Variants in DAGLB observed in about 807,000 individuals in gnomAD.
DAGLB encodes diacylglycerol lipase beta, also known as diacylglycerol lipase-beta.
In DAGLB, 66 loss-of-function variants were observed where a neutral mutation model predicts 72.1. The ratio of observed to expected loss-of-function variants is 0.92; its 90% CI spans 0.75 to 1.12. DAGLB has a LOEUF of 1.12. DAGLB is among the 50% of genes most tolerant of loss of function. The pLI, the probability that DAGLB is intolerant of heterozygous loss-of-function variation, is 0.00. For synonymous variants in DAGLB, 414 were observed against 359.5 expected (o/e 1.15, Z -1.71); for missense variants, 1,065 against 884.9 (o/e 1.20, Z -2.58).
At chr7:6,429,672 G>T (rs1242791910) in intron 6 of DAGLB, among the ~76,000 whole-genome samples, 1 of 152,036 alleles carries the variant, frequency 6.6e-6, no homozygotes, top group Non-Finnish European at 1.5e-5. Flanking sequence ...GGAGGGTGAG[G>T]CAGGTGAACC....
In DAGLB at chr7:6,410,223, G is replaced by A; in HGVS notation, c.1727C>T (p.Ser576Phe). Residue 576 changes from serine to phenylalanine, a missense_variant, in exon 14 of 15, where the codon TCC becomes TTC. Physicochemically the swap from Ser to Phe is radical, Grantham distance 155. Coordinates refer to ENST00000297056, the MANE Select transcript of DAGLB (RefSeq NM_139179.4). ...AGAAGAGTCCAGTGGGGAGTCGCTGGAGAAGCTGTAGGCCGGGGACCAGCG... is the reference window on the plus strand; with the variant it reads ...AGAAGAGTCCAGTGGGGAGTCGCTGAAGAAGCTGTAGGCCGGGGACCAGCG... ...LTRWSPAYSF[S>F]SDSPLDSSPK... 6.2e-7 allele frequency: 1 copy of A among 1,611,118 alleles called. No homozygotes were observed. Among genetic ancestry groups the A allele is most frequent in the Non-Finnish European group, 8.5e-7 (1 of 1,178,532 alleles).
intron 13 of DAGLB, among the ~76,000 whole-genome samples, chr7:6,411,437 C>T (rs1562476926): frequency 6.6e-6 from 1 of 152,196 alleles, no homozygotes; most frequent in Non-Finnish European, 1.5e-5. Context: ...GCCTGGGCAA[C>T]ATGGTAAGAC....
intron 9 of DAGLB, among the ~76,000 whole-genome samples, chr7:6,418,270 GA>G (rs1212939353): frequency 2.6e-5 from 4 of 152,134 alleles, no homozygotes; most frequent in Non-Finnish European, 5.9e-5. Context: ...TTGGGAGGCT[GA>G]GGCAGGAGGA....
intron 1 of DAGLB, among the ~76,000 whole-genome samples, chr7:6,447,503 A>AC (rs1038621713): frequency 3.3e-5 from 5 of 151,448 alleles, no homozygotes; most frequent in African/African-American, 1.2e-4. Flanking sequence ...GGACTTCGAA[A>AC]CCCCCTGTTT....
chr7:6,411,108 G>A (rs184373117), intron 13 of DAGLB, among the ~76,000 whole-genome samples: 9 of 151,650 alleles, frequency 5.9e-5, no homozygotes, highest in African/African-American at 1.9e-4. Flanking sequence ...TCCTGACCTC[G>A]TGATCCACCC....
At chr7:6,424,516 G>T (rs12539027) in intron 8 of DAGLB, among the ~76,000 whole-genome samples, 2 of 151,998 alleles carry the variant, frequency 1.3e-5, no homozygotes, top group East Asian at 1.9e-4. Flanking sequence ...CTCCTGTGGC[G>T]GGGGGGCCAA....
intron 7 of DAGLB, 72 bp downstream of exon 7, chr7:6,425,916 A>G (rs1784297102): frequency 6.3e-7 from 1 of 1,593,912 alleles, no homozygotes; most frequent in East Asian, 2.3e-5. Context: ...AATAATTCAT[A>G]ACTTCCATCA....
At chr7:6,443,994 C>T (rs1019691974) in intron 2 of DAGLB, among the ~76,000 whole-genome samples, 8 of 152,126 alleles carry the variant, frequency 5.3e-5, no homozygotes, top group Admixed American at 2.6e-4. Flanking sequence ...TGATCAGACG[C>T]GGTGGTTCAC....
intron 1 of DAGLB, among the ~76,000 whole-genome samples, chr7:6,447,304 A>AT (rs1287164047): frequency 6.6e-6 from 1 of 152,098 alleles, no homozygotes; most frequent in Non-Finnish European, 1.5e-5. Context: ...CCGGCTCGGT[A>AT]TTTTTTCCTA....
At chr7:6,428,489 T>A (rs1470719233) in intron 6 of DAGLB, among the ~76,000 whole-genome samples, 1 of 151,028 alleles carries the variant, frequency 6.6e-6, no homozygotes, top group Non-Finnish European at 1.5e-5. Flanking sequence ...TTGGTTTCTT[T>A]TTTTTTTTTC....
intron 2 of DAGLB, among the ~76,000 whole-genome samples, chr7:6,440,978 G>T (rs1784811436): frequency 6.6e-6 from 1 of 151,818 alleles, no homozygotes; most frequent in African/African-American, 2.4e-5. Context: ...TTTTGAGGGG[G>T]GGACGGAGTT....
chr7:6,432,990 A>G, intron 4 of DAGLB, 31 bp from the exon 5 acceptor site: 1 of 1,607,022 alleles, frequency 6.2e-7, no homozygotes, highest in Non-Finnish European at 8.5e-7. Flanking sequence ...GCCTGTCATA[A>G]AACCCAGCAG....
Position 6,421,767 on chromosome 7 carries a change from A to G in DAGLB, c.1178T>C (p.Leu393Pro), listed in dbSNP as rs1307483032. ...GTCCTGCACCTCACACTCCACGTCC[A>G]GCACCTCACTCTCCGCTGACAGGTC... ...LTDLSAESEV[L>P]DVECEVQDRL... Residue 393 changes from leucine to proline, a missense_variant, in exon 9 of 15, where the codon CTG becomes CCG. Transcript: ENST00000297056. 3 of 1,613,434 alleles carry G rather than the reference A, an allele frequency of 1.9e-6. No homozygotes were observed. Among genetic ancestry groups the G allele is most frequent in the East Asian group, 4.5e-5 (2 of 44,868 alleles).
rs768414746 is a variant in DAGLB, at chr7:6,432,820, C to A, written c.801+17G>T. 1 of 1,612,114 alleles carries A rather than the reference C, an allele frequency of 6.2e-7. No homozygotes were observed. The highest frequency in any genetic ancestry group is 2.2e-5 in the East Asian group (1 of 44,830). ...GTGTAAGTGTCAGAACTGGACACTC[C>A]ATGAAGCCAGGCTCACCTGGGAGCT... On this transcript the variant is annotated intron_variant, in intron 5 of 14. Coordinates refer to ENST00000297056, the MANE Select transcript of DAGLB (RefSeq NM_139179.4).
chr7:6,428,879 A>C (rs1390884558), intron 6 of DAGLB, among the ~76,000 whole-genome samples: 2 of 152,146 alleles, frequency 1.3e-5, no homozygotes, highest in Non-Finnish European at 2.9e-5. Flanking sequence ...ACCCCAGCTC[A>C]CTGCAACCTC....
chr7:6,432,167 A>T (rs1784505908), intron 5 of DAGLB, among the ~76,000 whole-genome samples: 1 of 152,026 alleles, frequency 6.6e-6, no homozygotes, highest in African/African-American at 2.4e-5. Flanking sequence ...CCTGGCCAAC[A>T]TGGCAAAACC....
In DAGLB at chr7:6,410,299, C is replaced by G; in HGVS notation, c.1651G>C (p.Asp551His). Residue 551 changes from aspartate to histidine, a missense_variant, in exon 14 of 15, where the codon GAC becomes CAC. Asp to His is a moderately conservative substitution (Grantham distance 81). Coordinates refer to ENST00000297056, the MANE Select transcript of DAGLB (RefSeq NM_139179.4). The part of the protein sequence containing the change: ...NNLPTELDGG[D>H]QEVLTQPLLG... ...AGAGGCTGTGTCAGGACTTCCTGGT[C>G]GCCCCCGTCCAGCTCCGTGGGCAAG... 1 of 1,613,960 alleles carries G rather than the reference C, an allele frequency of 6.2e-7. No homozygotes were observed.
At chr7:6,424,647 C>G (rs1784244184) in intron 8 of DAGLB, 105 bp downstream of exon 8, 1 of 1,067,824 alleles carries the variant, frequency 9.4e-7, no homozygotes, top group Non-Finnish European at 1.4e-6. Context: ...TCACCATTTT[C>G]CCCTGTGTCT....
intron 11 of DAGLB, among the ~76,000 whole-genome samples, chr7:6,414,480 T>A (rs1783838124): frequency 2.0e-5 from 3 of 151,640 alleles, no homozygotes; most frequent in Admixed American, 2.0e-4. Context: ...GTCCAGCTAA[T>A]TTTTGTAAGG....
Sources: gnomAD v4.1 joint callset for allele counts (sites outside exome capture counted in the v4.1 genomes callset) on GRCh38, gnomAD v4.1.1 for gene constraint, MANE v1.5 for transcripts, NCBI Gene and HGNC (gene_info 2026-07-23, HGNC 2026-07-21) for gene names.